Variants in SLC25A21 observed in about 807,000 individuals in gnomAD.
SLC25A21 encodes mitochondrial 2-oxodicarboxylate carrier.
In SLC25A21, 47 loss-of-function variants were observed where a neutral mutation model predicts 43.8. That is an observed-to-expected ratio of 1.07 (90% confidence interval 0.85 to 1.37). The LOEUF (loss-of-function observed/expected upper bound fraction) is 1.37. Ranked by LOEUF, SLC25A21 falls within the 40% of genes most tolerant of loss-of-function variation. The probability of loss-of-function intolerance (pLI) is 0.00; values close to 1 mark genes in which losing one functional copy is unlikely to be tolerated. For synonymous variants in SLC25A21, 131 were observed against 121.3 expected, an observed-to-expected ratio of 1.08 and a Z score of -0.52; for missense variants, 352 against 350.2, an observed-to-expected ratio of 1.00 and a Z score of -0.04.
chr14:37,091,464 C>G (rs1962584998), intron 1 of SLC25A21, among the ~76,000 whole-genome samples: 1 of 151,746 alleles, frequency 6.6e-6, no homozygotes, highest in South Asian at 2.1e-4. Flanking sequence ...GACAACACTT[C>G]TGCACAATGG....
At chr14:37,124,720 G>C (rs1963267675) in intron 1 of SLC25A21, among the ~76,000 whole-genome samples, 1 of 152,188 alleles carries the variant, frequency 6.6e-6, no homozygotes, top group Non-Finnish European at 1.5e-5. Context: ...TGTAATCCCA[G>C]TGTTGGTGGG....
intron 1 of SLC25A21, among the ~76,000 whole-genome samples, chr14:37,003,098 C>G (rs577610639): frequency 1.1e-4 from 17 of 152,196 alleles, no homozygotes; most frequent in African/African-American, 3.9e-4. Flanking sequence ...AATACCAAAC[C>G]CTATACACAC....
rs1413097168 is a variant in SLC25A21 at position 36,805,509 on chromosome 14, T to C, written c.203+8409A>G. Among the ~76,000 whole-genome samples the C allele has an allele frequency of 2.6e-5, 4 of 152,140 alleles. No homozygotes were observed. In the East Asian group the frequency reaches 5.8e-4, roughly 22 times the overall value. On this transcript the variant is annotated intron_variant, in intron 3 of 9. Transcript: ENST00000331299. ...TCATCTGCTCCCTGATTGTGAAGACTGGGGAGGAACTGTTACTTTACAACC... is the reference window on the plus strand; with the variant it reads ...TCATCTGCTCCCTGATTGTGAAGACCGGGGAGGAACTGTTACTTTACAACC...
intron 3 of SLC25A21, among the ~76,000 whole-genome samples, chr14:36,776,387 C>T (rs1886834650): frequency 6.6e-6 from 1 of 151,482 alleles, no homozygotes. Context: ...CAGGTGCCCG[C>T]CACCATGCCA....
intron 1 of SLC25A21, among the ~76,000 whole-genome samples, chr14:37,030,595 G>A (rs547240926): frequency 1.7e-4 from 26 of 152,216 alleles, no homozygotes; most frequent in African/African-American, 6.3e-4. Flanking sequence ...TACCTTGCTA[G>A]TTCCTTCTTT....
intron 1 of SLC25A21, among the ~76,000 whole-genome samples, chr14:37,081,460 G>C (rs1373214442): frequency 1.3e-5 from 2 of 152,178 alleles, no homozygotes; most frequent in Non-Finnish European, 2.9e-5. Context: ...TACACTTACA[G>C]TGATTTGCTT....
intron 1 of SLC25A21, among the ~76,000 whole-genome samples, chr14:37,094,003 T>C (rs1962638785): frequency 6.6e-6 from 1 of 152,190 alleles, no homozygotes. Context: ...TTTTAGCCCA[T>C]TCCTCAGAGC....
intron 2 of SLC25A21, among the ~76,000 whole-genome samples, chr14:36,869,560 A>G (rs967303728): frequency 2.0e-5 from 3 of 152,144 alleles, no homozygotes; most frequent in African/African-American, 7.2e-5. Flanking sequence ...AAGTGGGAAT[A>G]TGTAACTAGA....
intron 1 of SLC25A21, among the ~76,000 whole-genome samples, chr14:36,897,042 T>C (rs1273390565): frequency 6.6e-6 from 1 of 152,196 alleles, no homozygotes; most frequent in Non-Finnish European, 1.5e-5. Context: ...TCGAGGATTA[T>C]TTTTGTGTTG....
At chr14:36,782,241 T>G (rs1304108620) in intron 3 of SLC25A21, among the ~76,000 whole-genome samples, 2 of 152,252 alleles carry the variant, frequency 1.3e-5, no homozygotes, top group Admixed American at 6.5e-5. Flanking sequence ...TTGGAATTTT[T>G]GGGCCTCCCA....
chr14:36,921,062 A>G lies in SLC25A21; in HGVS notation c.71-46058T>C, dbSNP rs17091934. Reference sequence around the variant, plus strand: ...TGGGAGGGTGGATCTCTTTGCTTTTAACCATCCCATAAAACAACTTATGGA... The same window carrying G: ...TGGGAGGGTGGATCTCTTTGCTTTTGACCATCCCATAAAACAACTTATGGA... On this transcript the variant is annotated intron_variant, in intron 1 of 9. Transcript: ENST00000331299. Among the ~76,000 whole-genome samples the G allele has an allele frequency of 9.4e-3, 1,433 of 152,186 alleles. 48 individuals are homozygous for G. Among genetic ancestry groups the G allele is most frequent in the East Asian group, 0.062 (322 of 5,164 alleles).
chr14:37,004,459 T>C (rs1226067182), intron 1 of SLC25A21, among the ~76,000 whole-genome samples: 1 of 152,210 alleles, frequency 6.6e-6, no homozygotes, highest in Non-Finnish European at 1.5e-5. Flanking sequence ...TGAGGACACC[T>C]GGGCCAAGGT....
intron 1 of SLC25A21, among the ~76,000 whole-genome samples, chr14:36,996,446 T>C (rs535705078): frequency 1.3e-5 from 2 of 152,302 alleles, no homozygotes; most frequent in South Asian, 2.1e-4. Flanking sequence ...CTTTACTTTC[T>C]AGCTTGGGCA....
intron 1 of SLC25A21, among the ~76,000 whole-genome samples, chr14:37,075,723 G>C (rs2138831365): frequency 6.6e-6 from 1 of 152,282 alleles, no homozygotes; most frequent in South Asian, 2.1e-4. Flanking sequence ...TATACATGTG[G>C]ATTTAAGATA....
intron 3 of SLC25A21, among the ~76,000 whole-genome samples, chr14:36,809,855 C>T (rs921292293): frequency 6.6e-6 from 1 of 152,192 alleles, no homozygotes; most frequent in Non-Finnish European, 1.5e-5. Flanking sequence ...ACAGGCCAAA[C>T]TGGCCTCTAT....
intron 1 of SLC25A21, among the ~76,000 whole-genome samples, chr14:36,978,450 T>C (rs1202698146): frequency 6.6e-6 from 1 of 152,202 alleles, no homozygotes; most frequent in Non-Finnish European, 1.5e-5. Context: ...AGTAGGTACA[T>C]GTTGCTAGGA....
At chr14:36,943,362 T>C (rs898022643) in intron 1 of SLC25A21, among the ~76,000 whole-genome samples, 4 of 152,076 alleles carry the variant, frequency 2.6e-5, no homozygotes, top group Non-Finnish European at 4.4e-5. Flanking sequence ...CGGCTAATTT[T>C]TGTATTTTTA....
intron 3 of SLC25A21, among the ~76,000 whole-genome samples, chr14:36,765,092 T>C (rs1275137161): frequency 6.6e-6 from 1 of 152,248 alleles, no homozygotes; most frequent in Admixed American, 6.5e-5. Flanking sequence ...GCCAGTCACT[T>C]GGCCCAGGCC....
intron 2 of SLC25A21, among the ~76,000 whole-genome samples, chr14:36,828,897 CTT>C: frequency 6.6e-6 from 1 of 152,170 alleles, no homozygotes; most frequent in East Asian, 1.9e-4. Context: ...CTCTCTACCC[CTT>C]TCTTTGTTTT....
Sources: gnomAD v4.1 joint callset for allele counts (sites outside exome capture counted in the v4.1 genomes callset) on GRCh38, gnomAD v4.1.1 for gene constraint, MANE v1.5 for transcripts, NCBI Gene and HGNC (gene_info 2026-07-23, HGNC 2026-07-21) for gene names.